Variants in RBFOX1 observed in about 807,000 individuals in gnomAD.
RBFOX1 encodes the protein RNA binding protein fox-1 homolog 1.
In RBFOX1, 8 loss-of-function variants were observed where a neutral mutation model predicts 57.7. The observed-to-expected ratio is 0.14, with a 90% CI of 0.08 to 0.25. The LOEUF (loss-of-function observed/expected upper bound fraction) is 0.25, where lower values mean the gene tolerates loss of function less well. Among genes scored for constraint, RBFOX1 ranks in the 10% least tolerant of loss-of-function variants. The pLI is 1.00. For missense variants in RBFOX1, 611 were observed against 548.5 expected, an observed-to-expected ratio of 1.11 and a Z score of -1.14; for synonymous variants, 326 against 222.4, an observed-to-expected ratio of 1.47 and a Z score of -4.15.
chr16:7,252,185 G>C (rs1208508930), intron 4 of RBFOX1, among the ~76,000 whole-genome samples: 1 of 152,188 alleles, frequency 6.6e-6, no homozygotes, highest in East Asian at 1.9e-4. Flanking sequence ...TCAAAAAGGA[G>C]GAAGGAGCTG....
chr16:7,213,116 G>T (rs1300853623), intron 4 of RBFOX1, among the ~76,000 whole-genome samples: 2 of 152,020 alleles, frequency 1.3e-5, no homozygotes, highest in Non-Finnish European at 2.9e-5. Context: ...GAGAATGGAG[G>T]GACATAGGTT....
intron 1 of RBFOX1, among the ~76,000 whole-genome samples, chr16:6,299,983 C>T (rs1474780894): frequency 6.6e-6 from 1 of 152,196 alleles, no homozygotes; most frequent in East Asian, 1.9e-4. Flanking sequence ...ACCTAACTCA[C>T]ATGTACAATG....
chr16:6,812,582 G>T (rs1196953740), intron 3 of RBFOX1, among the ~76,000 whole-genome samples: 2 of 152,022 alleles, frequency 1.3e-5, no homozygotes, highest in Non-Finnish European at 2.9e-5. Context: ...TCAGCGTGTT[G>T]GCCAGACTGG....
chr16:5,647,879 A>C (rs751158589), intron 3 of RBFOX1, among the ~76,000 whole-genome samples: 2 of 151,860 alleles, frequency 1.3e-5, no homozygotes, highest in East Asian at 3.9e-4. Context: ...TTGTTTTTTG[A>C]GATGGAGTTT....
At chr16:5,627,017 C>T (rs1261562975) in intron 3 of RBFOX1, among the ~76,000 whole-genome samples, 1 of 152,160 alleles carries the variant, frequency 6.6e-6, no homozygotes, top group Non-Finnish European at 1.5e-5. Flanking sequence ...ATCTAACTCA[C>T]TTTTTGTTAA....
At chr16:6,613,507 C>T (rs572676446) in intron 2 of RBFOX1, among the ~76,000 whole-genome samples, 7 of 152,224 alleles carry the variant, frequency 4.6e-5, no homozygotes, top group African/African-American at 1.7e-4. Flanking sequence ...ATTAGCATCA[C>T]TTACATGCAA....
chr16:7,404,750 T>C (rs1039108219), intron 4 of RBFOX1, among the ~76,000 whole-genome samples: 1 of 152,210 alleles, frequency 6.6e-6, no homozygotes, highest in Non-Finnish European at 1.5e-5. Flanking sequence ...TTTTTAATTA[T>C]CTGATTCCTT....
chr16:6,554,196 A>G (rs997515773), intron 2 of RBFOX1, among the ~76,000 whole-genome samples: 4 of 152,194 alleles, frequency 2.6e-5, no homozygotes, highest in African/African-American at 9.7e-5. Flanking sequence ...GGTTTAAGAA[A>G]TAACATCCCT....
intron 2 of RBFOX1, among the ~76,000 whole-genome samples, chr16:6,550,910 C>G (rs764243318): frequency 6.6e-6 from 1 of 152,134 alleles, no homozygotes; most frequent in Non-Finnish European, 1.5e-5. Context: ...GGTGTGAATA[C>G]TCGGGCAACT....
intron 2 of RBFOX1, among the ~76,000 whole-genome samples, chr16:6,351,089 C>T (rs549416014): frequency 3.0e-4 from 45 of 152,134 alleles, no homozygotes; most frequent in African/African-American, 8.9e-4. Context: ...CCAAAACTTA[C>T]GAAGCAGGAG....
At chr16:7,194,156 C>G (rs2086114044) in intron 4 of RBFOX1, among the ~76,000 whole-genome samples, 1 of 152,154 alleles carries the variant, frequency 6.6e-6, no homozygotes, top group Non-Finnish European at 1.5e-5. Context: ...ACTAGAGTGT[C>G]TTAAACATCT....
chr16:6,809,586 G>C (rs537862273), intron 3 of RBFOX1, among the ~76,000 whole-genome samples: 7 of 152,066 alleles, frequency 4.6e-5, no homozygotes, highest in Non-Finnish European at 7.4e-5. Context: ...TCAACCAAAA[G>C]TGCCATAACC....
intron 4 of RBFOX1, among the ~76,000 whole-genome samples, chr16:7,494,829 A>AATTTT (rs2068060701): frequency 1.5e-4 from 3 of 20,550 alleles, no homozygotes; most frequent in African/African-American, 4.8e-4. Context: ...TGTGTTACCT[A>AATTTT]CTTTTTTTTT....
chr16:6,199,746 T>G (rs2097203259), intron 1 of RBFOX1, among the ~76,000 whole-genome samples: 1 of 152,106 alleles, frequency 6.6e-6, no homozygotes, highest in Non-Finnish European at 1.5e-5. Context: ...AGTAAAGAAG[T>G]AGAACTTTAT....
At position 6,041,744 on chromosome 16, in the gene RBFOX1, G is replaced by A. The variant is rs2095438670; in HGVS notation, c.-127+21752G>A. Among the ~76,000 whole-genome samples the A allele has an allele frequency of 2.0e-5, 3 of 152,180 alleles. No individual in the cohort carries two copies. In the South Asian group the frequency reaches 6.2e-4, roughly 32 times the overall value. ...CAAGGTCTGACCAAATACATCAGAA[G>A]ACATCAATGGGCGATGATGCTAAAC... On this transcript the variant is annotated intron_variant, in intron 1 of 15. Transcript: ENST00000550418.
At chr16:5,351,285 C>G (rs1440389516) in intron 1 of RBFOX1, among the ~76,000 whole-genome samples, 5 of 152,158 alleles carry the variant, frequency 3.3e-5, no homozygotes, top group Non-Finnish European at 7.3e-5. Context: ...AGCGCTATGC[C>G]AGGGCTTTGA....
At chr16:5,467,209 A>G in intron 1 of RBFOX1, 3 of 1,411,142 alleles carry the variant, frequency 2.1e-6, no homozygotes, top group Non-Finnish European at 2.8e-6. Flanking sequence ...TTTTTTTTTT[A>G]ATGCAGGATC....
chr16:6,477,288 T>C (rs2079876), intron 2 of RBFOX1, among the ~76,000 whole-genome samples: 19,297 of 152,268 alleles, frequency 0.13, 2,171 homozygotes, highest in East Asian at 0.45. Context: ...TCCGTGTTTA[T>C]GGCAGCTATA....
rs1233814630 is a variant in RBFOX1 at position 5,923,634 on chromosome 16, T to A, written c.351+56299T>A. On this transcript the variant is annotated intron_variant, in intron 4 of 19. Coordinates refer to the RBFOX1 transcript ENST00000641259. ...TTGGCTGACTGCAACCTCCACCTCC[T>A]GAGTTCATACATTTCTCCTGCCTTA... 2.0e-5 allele frequency among the ~76,000 whole-genome samples: 3 copies of A among 147,820 alleles called. No individual in the cohort carries two copies. The East Asian group carries it at 6.3e-4, about 31-fold the overall frequency.
Sources: allele counts gnomAD v4.1 joint callset (sites outside exome capture counted in the v4.1 genomes callset), GRCh38; gene constraint gnomAD v4.1.1; transcripts MANE v1.5; gene names NCBI Gene and HGNC (gene_info 2026-07-23, HGNC 2026-07-21).